TEAD3: variants seen among roughly 807,000 people sequenced by gnomAD.
The protein encoded by TEAD3 is transcriptional enhancer factor TEF-5.
Under a neutral mutation model 55.6 loss-of-function variants are expected in TEAD3, and 15 were observed. That is an observed-to-expected ratio of 0.27 (90% CI 0.18 to 0.42). The LOEUF (loss-of-function observed/expected upper bound fraction) is 0.42. Ranked by LOEUF, TEAD3 falls within the 10% of genes least tolerant of loss-of-function variation. TEAD3 has a pLI of 1.00. For missense variants in TEAD3, 407 were observed against 576.8 expected (o/e 0.71, Z 3.01); for synonymous variants, 210 against 232.2 (o/e 0.90, Z 0.87).
At position 35,485,077 on chromosome 6, in the gene TEAD3, G is replaced by C. The variant is rs1768346648; in HGVS notation, c.203-453C>G. On this transcript the variant is annotated intron_variant, in intron 2 of 12. Coordinates refer to ENST00000639578, the Ensembl canonical transcript of TEAD3. The surrounding 1 kb of genome is among the most constrained non-coding windows in gnomAD (Gnocchi z 4.3). ...TTAGTGCATGGATTTGTGGGGGCGT[G>C]TGAATGAGCCTGCCCCAGGTGGATG... Among the ~76,000 whole-genome samples the C allele has an allele frequency of 6.6e-6, 1 of 152,200 alleles. No homozygotes were observed. The highest frequency in any genetic ancestry group is 1.5e-5 in the Non-Finnish European group (1 of 68,026).
Position 35,475,873 on chromosome 6 carries a change from G to A in TEAD3, c.900+46C>T, listed in dbSNP as rs757362996. The A allele has an allele frequency of 2.0e-6, 3 of 1,506,464 alleles. No homozygotes were observed. The African/African-American group carries it at 4.2e-5, about 21-fold the overall frequency. The allele number at this position is 1,506,464 out of a possible 1,614,324, so 93.3% of individuals were successfully genotyped here. On this transcript the variant is annotated intron_variant, in intron 10 of 12. Coordinates refer to ENST00000639578, the Ensembl canonical transcript of TEAD3. This position sits in a 1 kb window ranked among gnomAD's most constrained non-coding sequence, Gnocchi z 5.4. ...CAGTGGGCCTGGATGTTGCACCTCT[G>A]GGGTGGGGAAGGGGGCTTGGAGCAG...
chr6:35,489,196 TCACA>T (rs1300621763), intron 1 of TEAD3, among the ~76,000 whole-genome samples: 1 of 152,258 alleles, frequency 6.6e-6, no homozygotes, highest in Non-Finnish European at 1.5e-5. Flanking sequence ...TTCTGGGATT[TCACA>T]CACATTGACT....
rs1299657897 is a variant in TEAD3 at position 35,485,623 on chromosome 6, C to T, written c.202+838G>A. Among the ~76,000 whole-genome samples, 3 of 152,212 alleles carry T rather than the reference C, an allele frequency of 2.0e-5. No homozygotes were observed. The highest frequency in any genetic ancestry group is 3.9e-4 in the East Asian group (2 of 5,188). ...CCCTGTCTAAAAATACCCTGTGGGG[C>T]TCCCCAGCCTGGGAGGCAGCAGTGG... On this transcript the variant is annotated intron_variant, in intron 2 of 12. Coordinates refer to ENST00000639578, the Ensembl canonical transcript of TEAD3. This position sits in a 1 kb window ranked among gnomAD's most constrained non-coding sequence, Gnocchi z 4.3.
chr6:35,476,188 G>A, intron 9 of TEAD3, 96 bp from the exon 10 acceptor site: 1 of 1,544,626 alleles, frequency 6.5e-7, no homozygotes, highest in Non-Finnish European at 8.7e-7. Flanking sequence ...ATTGCCTAGG[G>A]CTTCCTGAAC....
chr6:35,481,075 C>T (rs1228271825), intron 3 of TEAD3, among the ~76,000 whole-genome samples: 3 of 151,878 alleles, frequency 2.0e-5, no homozygotes, highest in African/African-American at 7.3e-5. Context: ...ACTTTTCCCC[C>T]CAATATACCT....
In TEAD3 at chr6:35,484,092, C is replaced by T. The variant is rs1386799794; in HGVS notation, c.267+468G>A. Among the ~76,000 whole-genome samples the T allele has an allele frequency of 2.0e-5, 3 of 152,156 alleles. No homozygotes were observed. The highest frequency in any genetic ancestry group is 2.0e-4 in the Admixed American group (3 of 15,280). On this transcript the variant is annotated intron_variant, in intron 3 of 12. Transcript: ENST00000639578. The surrounding 1 kb of genome is among the most constrained non-coding windows in gnomAD (Gnocchi z 5.8). ...GTGTCACCTCCTCCAGGGAGCCTTCCCAGCTCTCTCTCCCCACTCCCCTAG... is the reference window on the plus strand; with the variant it reads ...GTGTCACCTCCTCCAGGGAGCCTTCTCAGCTCTCTCTCCCCACTCCCCTAG...
In TEAD3 at chr6:35,475,998, T is replaced by C. The variant is rs1257031562; in HGVS notation, c.821A>G (p.Lys274Arg). ...CAATCCTCCCTTTTTCTCGGGGAAT[T>C]TGTCATAGATCTGGCGCACATCTAC... The change falls in exon 10 of 13, where the codon AAA (lysine) becomes AGA (arginine). Residue 274 changes from lysine (K) to arginine (R), a missense_variant. Coordinates refer to ENST00000639578, the Ensembl canonical transcript of TEAD3. This position sits in a 1 kb window ranked among gnomAD's most constrained non-coding sequence, Gnocchi z 5.4. 1 of 1,564,574 alleles carries C rather than the reference T, an allele frequency of 6.4e-7. No individual in the cohort carries two copies. Among genetic ancestry groups the C allele is most frequent in the African/African-American group, 1.4e-5 (1 of 72,632 alleles).
At position 35,484,585 on chromosome 6, in the gene TEAD3, G is replaced by A. The variant is rs1306829007; in HGVS notation, c.242C>T (p.Thr81Met). 1.2e-6 allele frequency: 2 copies of A among 1,605,310 alleles called. No homozygotes were observed. ...CTGTTTTCTCGTCCGAGTCTTCCCCGTCCTCAGTTTAATATAGCGTGCAAT... is the reference window on the plus strand; with the variant it reads ...CTGTTTTCTCGTCCGAGTCTTCCCCATCCTCAGTTTAATATAGCGTGCAAT... The change falls in exon 3 of 13, where the codon ACG becomes ATG. Residue 81 changes from threonine (T) to methionine (M), a missense_variant. Coordinates refer to ENST00000639578, the Ensembl canonical transcript of TEAD3. The surrounding 1 kb of genome is among the most constrained non-coding windows in gnomAD (Gnocchi z 5.8).
At position 35,475,706 on chromosome 6, in the gene TEAD3, C is replaced by A. The variant is rs777123743; in HGVS notation, c.901G>T (p.Ala301Ser). The A allele has an allele frequency of 1.3e-6, 2 of 1,589,352 alleles. No homozygotes were observed. Among genetic ancestry groups the A allele is most frequent in the Non-Finnish European group, 1.7e-6 (2 of 1,166,622 alleles). ...TCCTGGATGGTGCTGTTGAGGTCGG[C>A]CTGGGCATGGGGGTGGGGGGTGTTA... Residue 301 changes from alanine to serine, a missense_variant and splice_region_variant, in exon 11 of 13, where the codon GCC becomes TCC. Transcript: ENST00000639578. The surrounding 1 kb of genome is among the most constrained non-coding windows in gnomAD (Gnocchi z 5.4).
chr6:35,489,643 C>G (rs2150916714), intron 1 of TEAD3, among the ~76,000 whole-genome samples: 1 of 152,334 alleles, frequency 6.6e-6, no homozygotes, highest in South Asian at 2.1e-4. Context: ...CATTCCCAGC[C>G]TGTCCCTCAC....
intron 1 of TEAD3, among the ~76,000 whole-genome samples, chr6:35,493,771 G>A (rs776946752): frequency 2.0e-5 from 3 of 152,204 alleles, no homozygotes; most frequent in Non-Finnish European, 4.4e-5. Flanking sequence ...TCACGCACAC[G>A]CGCCCGCGCG....
In TEAD3 at chr6:35,483,877, TAAAA is replaced by T. The variant is rs1398452493; in HGVS notation, c.267+679_267+682del. On this transcript the variant is annotated intron_variant, in intron 3 of 12. Coordinates refer to ENST00000639578, the Ensembl canonical transcript of TEAD3. This position sits in a 1 kb window ranked among gnomAD's most constrained non-coding sequence, Gnocchi z 4.5. ...TCCCTATGCATCAGTTTCCTCATAG[TAAAA>T]AAGACAATTACTGTACCTATCTAGT... 6.6e-6 allele frequency among the ~76,000 whole-genome samples: 1 copy of T among 151,946 alleles called. No homozygotes were observed. The highest frequency in any genetic ancestry group is 1.5e-5 in the Non-Finnish European group (1 of 67,992).
chr6:35,487,509 G>A (rs996976910), intron 1 of TEAD3, among the ~76,000 whole-genome samples: 3 of 136,436 alleles, frequency 2.2e-5, no homozygotes, highest in Non-Finnish European at 4.5e-5. Context: ...CCGAGATCAC[G>A]TCACTGCACT....
intron 5 of TEAD3, 58 bp from the exon 6 acceptor site, chr6:35,478,629 T>C: frequency 6.5e-7 from 1 of 1,535,790 alleles, no homozygotes; most frequent in South Asian, 1.2e-5. Context: ...AGGCTTGCTT[T>C]AGCGCCCCTC....
At position 35,496,441 on chromosome 6, in the gene TEAD3, G is replaced by A. The variant is rs907764576; in HGVS notation, c.-50+457C>T. ...CTGGGCGCTGGGAGGCCGGGCCCGAGGCCTGCGTGGAGCTGAGGCCGGGCG... is the reference window on the plus strand; with the variant it reads ...CTGGGCGCTGGGAGGCCGGGCCCGAAGCCTGCGTGGAGCTGAGGCCGGGCG... On this transcript the variant is annotated intron_variant, in intron 1 of 12. Coordinates refer to ENST00000639578, the Ensembl canonical transcript of TEAD3. This position sits in a 1 kb window ranked among gnomAD's most constrained non-coding sequence, Gnocchi z 4.8. 8.5e-5 allele frequency among the ~76,000 whole-genome samples: 13 copies of A among 152,070 alleles called. 1 individual carries two copies. The highest frequency in any genetic ancestry group is 3.2e-3 in the Middle Eastern group (1 of 314).
chr6:35,476,235 C>A, intron 9 of TEAD3, 67 bp downstream of exon 9: 1 of 1,569,770 alleles, frequency 6.4e-7, no homozygotes, highest in Non-Finnish European at 8.6e-7. Flanking sequence ...TGAGTTGCAG[C>A]CCTGGATCAC....
chr6:35,477,488 G>A (rs986713927), intron 7 of TEAD3, 116 bp from the exon 8 acceptor site: 4 of 900,366 alleles, frequency 4.4e-6, no homozygotes, highest in Non-Finnish European at 6.7e-6. Flanking sequence ...CTGAGGCCCA[G>A]AAACGCATGC....
At chr6:35,476,959 A>T (rs1768161421) in intron 8 of TEAD3, among the ~76,000 whole-genome samples, 1 of 152,116 alleles carries the variant, frequency 6.6e-6, no homozygotes, top group African/African-American at 2.4e-5. Flanking sequence ...AGTAGCTGGG[A>T]CTATAGCCAT....
Position 35,486,052 on chromosome 6 carries a change from C to A in TEAD3, c.202+409G>T, listed in dbSNP as rs1581726601. 6.6e-6 allele frequency among the ~76,000 whole-genome samples: 1 copy of A among 152,234 alleles called. No individual in the cohort carries two copies. Among genetic ancestry groups the A allele is most frequent in the African/African-American group, 2.4e-5 (1 of 41,466 alleles). ...TTTGTCCCCGTGCGACCTCCCACAG[C>A]CCGCACTGGAGAGAACTATACGGGC... On this transcript the variant is annotated intron_variant, in intron 2 of 12. Transcript: ENST00000639578. This position sits in a 1 kb window ranked among gnomAD's most constrained non-coding sequence, Gnocchi z 7.3.
Sources: allele counts gnomAD v4.1 joint callset (sites outside exome capture counted in the v4.1 genomes callset), GRCh38; gene constraint gnomAD v4.1.1; non-coding constraint Gnocchi (gnomAD v3.1); transcripts MANE v1.5; gene names NCBI Gene and HGNC (gene_info 2026-07-23, HGNC 2026-07-21).